Variants in PUS10 observed in about 807,000 individuals in gnomAD.
PUS10 encodes pseudouridine synthase 10.
PUS10 carries 59 observed loss-of-function variants against 75.0 expected under a neutral mutation model. The ratio of observed to expected loss-of-function variants is 0.79; its 90% CI spans 0.64 to 0.98. The LOEUF (loss-of-function observed/expected upper bound fraction) is 0.98. Among genes scored for constraint, PUS10 ranks in the 50% least tolerant of loss-of-function variants. PUS10 has a pLI of 0.00. For synonymous variants in PUS10, 219 were observed against 211.6 expected (o/e 1.03, Z -0.30); for missense variants, 650 against 614.4 (o/e 1.06, Z -0.61).
In PUS10 at chr2:60,941,526, C is replaced by G. The variant is rs1271721580; in HGVS notation, c.*869G>C. On this transcript the variant is annotated 3_prime_UTR_variant, in exon 18 of 18. Transcript: ENST00000316752. The stretch of plus-strand genomic sequence containing the variant: ...ATATTTATAAAATGGAGACAATATC[C>G]TATCTACTTTAATAAGGTATTATTA... 6.6e-6 allele frequency: 1 copy of G among 152,066 alleles called. No homozygotes were observed. Among genetic ancestry groups the G allele is most frequent in the Non-Finnish European group, 1.5e-5 (1 of 67,992 alleles). The allele number at this position is 152,066 out of a possible 1,614,324, so 9.4% of individuals were successfully genotyped here. A position where few individuals can be genotyped will look rare whatever the true frequency, so the allele number is the denominator to read the frequency against.
At chr2:60,975,089 T>G (rs1288322006) in intron 4 of PUS10, among the ~76,000 whole-genome samples, 2 of 152,222 alleles carry the variant, frequency 1.3e-5, no homozygotes, top group African/African-American at 4.8e-5. Flanking sequence ...ACCCCTTCCT[T>G]TTTTCCTTTC....
intron 11 of PUS10, among the ~76,000 whole-genome samples, chr2:60,956,838 G>A (rs548585357): frequency 2.1e-3 from 323 of 151,888 alleles, no homozygotes; most frequent in Non-Finnish European, 3.1e-3. Flanking sequence ...AGCTGGGTGT[G>A]GTGGCGTGTG....
At chr2:60,981,445 G>A (rs992970554) in intron 4 of PUS10, among the ~76,000 whole-genome samples, 3 of 151,226 alleles carry the variant, frequency 2.0e-5, no homozygotes, top group Non-Finnish European at 4.4e-5. Context: ...ACCACATCTA[G>A]CTAATTTTTG....
At chr2:60,953,685 T>C (rs543645320) in intron 14 of PUS10, among the ~76,000 whole-genome samples, 2 of 152,362 alleles carry the variant, frequency 1.3e-5, no homozygotes, top group African/African-American at 2.4e-5. Flanking sequence ...ATTTCTCTTG[T>C]ATATATAATA....
rs1414086952 is a variant in PUS10, at chr2:60,982,217, T to C, written c.469-10660A>G. 2.0e-5 allele frequency among the ~76,000 whole-genome samples: 3 copies of C among 151,952 alleles called. No individual in the cohort carries two copies. In the East Asian group the frequency reaches 5.8e-4, roughly 29 times the overall value. On this transcript the variant is annotated intron_variant, in intron 4 of 17. Transcript: ENST00000316752. ...TTACTTCTCTCCTCTCTCCAGAAAA[T>C]CTGTCTTTATCTTGATCCCTGGATT...
At chr2:60,969,541 TCAC>T (rs1452748171) in intron 5 of PUS10, among the ~76,000 whole-genome samples, 2 of 152,228 alleles carry the variant, frequency 1.3e-5, no homozygotes, top group African/African-American at 4.8e-5. Flanking sequence ...TCAGTTGCAA[TCAC>T]TTTTGCTGTA....
intron 4 of PUS10, among the ~76,000 whole-genome samples, chr2:60,982,580 T>G (rs1026534636): frequency 6.6e-6 from 1 of 152,088 alleles, no homozygotes; most frequent in Admixed American, 6.6e-5. Context: ...ACAATAACTT[T>G]TAATAGAAGA....
At chr2:60,945,572 G>A (rs540676527) in intron 16 of PUS10, among the ~76,000 whole-genome samples, 72 of 152,274 alleles carry the variant, frequency 4.7e-4, no homozygotes, top group African/African-American at 1.7e-3. Context: ...ACATGACCCA[G>A]AGGCAATAGG....
At chr2:61,007,153 T>C (rs1195100276) in intron 3 of PUS10, among the ~76,000 whole-genome samples, 1 of 151,662 alleles carries the variant, frequency 6.6e-6, no homozygotes, top group African/African-American at 2.4e-5. Flanking sequence ...AATACATGAA[T>C]ACACATTTTA....
intron 4 of PUS10, among the ~76,000 whole-genome samples, chr2:60,980,133 A>G (rs921743730): frequency 3.3e-5 from 5 of 152,212 alleles, no homozygotes; most frequent in Admixed American, 2.6e-4. Context: ...ATAAATGAAG[A>G]CAGATATGGC....
At chr2:60,998,682 T>C (rs551665050) in intron 4 of PUS10, 4 of 147,482 alleles carry the variant, frequency 2.7e-5, no homozygotes, top group Non-Finnish European at 2.9e-5. Context: ...AGAGTGAGAC[T>C]TCATCTTAAA....
chr2:60,968,092 C>A (rs1297497158), intron 5 of PUS10, among the ~76,000 whole-genome samples: 1 of 152,146 alleles, frequency 6.6e-6, no homozygotes, highest in Non-Finnish European at 1.5e-5. Flanking sequence ...AAAAACTTTA[C>A]TGCTGAAGAA....
chr2:60,957,014 A>AC (rs1675716787), intron 11 of PUS10, among the ~76,000 whole-genome samples: 1 of 151,340 alleles, frequency 6.6e-6, no homozygotes, highest in Non-Finnish European at 1.5e-5. Context: ...AGAAAAAAAA[A>AC]GAAAAATGTT....
At chr2:60,988,478 A>G (rs1317381423) in intron 4 of PUS10, among the ~76,000 whole-genome samples, 1 of 152,248 alleles carries the variant, frequency 6.6e-6, no homozygotes, top group African/African-American at 2.4e-5. Flanking sequence ...ACAATATAGT[A>G]CACTTTGGTC....
At chr2:60,995,738 A>C (rs1384239008) in intron 4 of PUS10, among the ~76,000 whole-genome samples, 1 of 152,082 alleles carries the variant, frequency 6.6e-6, no homozygotes, top group East Asian at 1.9e-4. Context: ...ATTTTTTTTT[A>C]TTCTGTTACA....
At chr2:60,981,727 T>A (rs1460954460) in intron 4 of PUS10, among the ~76,000 whole-genome samples, 1 of 152,210 alleles carries the variant, frequency 6.6e-6, no homozygotes, top group Non-Finnish European at 1.5e-5. Flanking sequence ...TTTTTGCAAA[T>A]CTCTTTAATA....
At position 60,962,951 on chromosome 2, in the gene PUS10, G is replaced by A. The variant is rs1401411231; in HGVS notation, c.724-61C>T. The A allele has an allele frequency of 2.2e-5, 32 of 1,488,068 alleles. No individual in the cohort carries two copies. In the South Asian group the frequency reaches 2.9e-4, roughly 13 times the overall value. 92.2% of individuals were successfully genotyped at this position (1,488,068 alleles called of 1,614,324 possible). A position where few individuals can be genotyped will look rare whatever the true frequency, so the allele number is the denominator to read the frequency against. On this transcript the variant is annotated intron_variant, in intron 8 of 17. Coordinates refer to ENST00000316752, the MANE Select transcript of PUS10 (RefSeq NM_144709.4). ...TTATCCAGACAAGAAAACATCAGAC[G>A]TGAAACACAGAACATGGCTGGAGAA...
chr2:60,980,441 T>A (rs528463263), intron 4 of PUS10, among the ~76,000 whole-genome samples: 1 of 152,164 alleles, frequency 6.6e-6, no homozygotes. Context: ...AGCACAACCA[T>A]CAGAGGATAA....
chr2:60,961,779 C>T (rs2104337707), intron 9 of PUS10, among the ~76,000 whole-genome samples: 1 of 152,300 alleles, frequency 6.6e-6, no homozygotes, highest in East Asian at 1.9e-4. Context: ...GAGGACTTAT[C>T]TTCCGAGGCA....
Sources: gnomAD v4.1 joint callset for allele counts (sites outside exome capture counted in the v4.1 genomes callset) on GRCh38, gnomAD v4.1.1 for gene constraint, MANE v1.5 for transcripts, NCBI Gene and HGNC (gene_info 2026-07-23, HGNC 2026-07-21) for gene names.